The following RAB5C variants were observed in gnomAD, a reference collection of about 807,000 sequenced individuals.
RAB5C encodes the protein ras-related protein Rab-5C.
A neutral mutation model predicts 25.2 loss-of-function variants in RAB5C; 4 were observed. The ratio of observed to expected loss-of-function variants is 0.16; its 90% confidence interval spans 0.08 to 0.36. The LOEUF (loss-of-function observed/expected upper bound fraction) is 0.36, where lower values mean the gene tolerates loss of function less well. Ranked by LOEUF, RAB5C falls within the 10% of genes least tolerant of loss-of-function variation. The pLI is 1.00. For missense variants in RAB5C, 199 were observed against 283.8 expected, an observed-to-expected ratio of 0.70 and a Z score of 2.15; for synonymous variants, 100 against 106.4, an observed-to-expected ratio of 0.94 and a Z score of 0.37.
intron 1 of RAB5C, among the ~76,000 whole-genome samples, chr17:42,138,896 G>A (rs78103841): frequency 6.6e-6 from 1 of 152,212 alleles, no homozygotes; most frequent in South Asian, 2.1e-4. Flanking sequence ...TGTGTGGGAA[G>A]TCTTGTATCA....
At chr17:42,145,551 T>C (rs2144093261) in intron 1 of RAB5C, among the ~76,000 whole-genome samples, 1 of 152,328 alleles carries the variant, frequency 6.6e-6, no homozygotes, top group African/African-American at 2.4e-5. Context: ...CCCACCACTT[T>C]GGGAAGCTGA....
At chr17:42,134,791 A>G (rs1465438469) in intron 1 of RAB5C, among the ~76,000 whole-genome samples, 1 of 152,118 alleles carries the variant, frequency 6.6e-6, no homozygotes, top group African/African-American at 2.4e-5. Flanking sequence ...TTTCCTATTA[A>G]TACAATGCAC....
intron 1 of RAB5C, chr17:42,131,678 G>A: frequency 1.4e-6 from 2 of 1,441,896 alleles, no homozygotes; most frequent in African/African-American, 1.4e-5. Context: ...TGGGAGGGCA[G>A]AGACCAAGTC....
rs191341794 is a variant in RAB5C, at chr17:42,143,651, C to T, written c.-89+11242G>A. Among the ~76,000 whole-genome samples the T allele has an allele frequency of 1.6e-3, 241 of 151,890 alleles. 2 individuals are homozygous for T. The highest frequency in any genetic ancestry group is 1.3e-3 in the Non-Finnish European group (85 of 67,986). ...GTCTGTCTCCAAAAATCTGGCAGTG[C>T]CAAAATGTAAAGAAGTAACCAAAAA... is the stretch of plus-strand genomic sequence containing the variant. On this transcript the variant is annotated intron_variant, in intron 1 of 5. Coordinates refer to ENST00000346213, the MANE Select transcript of RAB5C (RefSeq NM_004583.4).
intron 1 of RAB5C, among the ~76,000 whole-genome samples, chr17:42,148,183 C>G (rs1220859816): frequency 6.6e-6 from 1 of 151,718 alleles, no homozygotes; most frequent in Admixed American, 6.6e-5. Flanking sequence ...CTGAGGCAGG[C>G]AGATCATGAG....
At chr17:42,141,842 T>C (rs2079604706) in intron 1 of RAB5C, among the ~76,000 whole-genome samples, 1 of 152,124 alleles carries the variant, frequency 6.6e-6, no homozygotes, top group Non-Finnish European at 1.5e-5. Context: ...TCAGTACATG[T>C]TCTGTAGCAG....
intron 1 of RAB5C, among the ~76,000 whole-genome samples, chr17:42,135,260 AT>A (rs544805007): frequency 0.015 from 2,040 of 134,106 alleles, 33 homozygotes; most frequent in African/African-American, 0.045. Flanking sequence ...GCCACCTGTA[AT>A]TTTTTTTTTT....
At chr17:42,134,305 T>C (rs1488046962) in intron 1 of RAB5C, among the ~76,000 whole-genome samples, 2 of 152,194 alleles carry the variant, frequency 1.3e-5, no homozygotes, top group Non-Finnish European at 2.9e-5. Context: ...GCAAAAATTA[T>C]CCACTTGTGC....
intron 5 of RAB5C, 39 bp from the exon 6 acceptor site, chr17:42,125,937 C>T: frequency 6.8e-7 from 1 of 1,460,936 alleles, no homozygotes; most frequent in Non-Finnish European, 9.4e-7. Context: ...TTGGGGGTAC[C>T]CCAATAACTC....
chr17:42,127,547 CT>C (rs113883357), intron 4 of RAB5C, among the ~76,000 whole-genome samples: 285 of 142,898 alleles, frequency 2.0e-3, no homozygotes, highest in Admixed American at 2.2e-3. Flanking sequence ...TTATTCTTTT[CT>C]TTTTTTTTTT....
intron 1 of RAB5C, among the ~76,000 whole-genome samples, chr17:42,153,114 G>A (rs140412913): frequency 3.3e-5 from 5 of 152,214 alleles, no homozygotes; most frequent in African/African-American, 1.2e-4. Context: ...TCTGTTGTCC[G>A]ATAAAAAGTG....
chr17:42,131,381 TACAC>T (rs1346843696), intron 1 of RAB5C, among the ~76,000 whole-genome samples: 3 of 149,396 alleles, frequency 2.0e-5, no homozygotes, highest in Admixed American at 2.0e-4. Context: ...CACACACCGA[TACAC>T]ACACACAAAC....
chr17:42,143,465 C>T (rs1039545508), intron 1 of RAB5C, among the ~76,000 whole-genome samples: 2 of 152,066 alleles, frequency 1.3e-5, no homozygotes, highest in African/African-American at 2.4e-5. Context: ...GGTGAAACCT[C>T]GTTGCTACTA....
intron 1 of RAB5C, among the ~76,000 whole-genome samples, chr17:42,143,323 A>C (rs913851133): frequency 6.6e-6 from 1 of 152,130 alleles, no homozygotes; most frequent in African/African-American, 2.4e-5. Context: ...TGAATCTACA[A>C]CTCTGGCACG....
chr17:42,131,468 A>T, intron 1 of RAB5C: 1 of 760,188 alleles, frequency 1.3e-6, no homozygotes. Flanking sequence ...ACACATGCCA[A>T]CACACACACA....
At chr17:42,131,405 AAC>A (rs2054484472) in intron 1 of RAB5C, among the ~76,000 whole-genome samples, 1 of 151,566 alleles carries the variant, frequency 6.6e-6, no homozygotes, top group Non-Finnish European at 1.5e-5. Context: ...CACACACAGA[AAC>A]ACACACACCG....
chr17:42,149,588 A>AAATT (rs1382142063), intron 1 of RAB5C, among the ~76,000 whole-genome samples: 3 of 152,048 alleles, frequency 2.0e-5, no homozygotes, highest in Admixed American at 6.6e-5. Context: ...AAAAATAAAT[A>AAATT]AATTAATTAA....
At chr17:42,133,808 A>T (rs1598247773) in intron 1 of RAB5C, among the ~76,000 whole-genome samples, 1 of 152,236 alleles carries the variant, frequency 6.6e-6, no homozygotes, top group Admixed American at 6.5e-5. Flanking sequence ...CATGTTGAGT[A>T]AACAGTAGCT....
intron 1 of RAB5C, among the ~76,000 whole-genome samples, chr17:42,149,558 G>A (rs2079657047): frequency 6.6e-6 from 1 of 152,078 alleles, no homozygotes; most frequent in South Asian, 2.1e-4. Flanking sequence ...CTCCAGCCTG[G>A]GTGAGAGAGG....
Sources: gnomAD v4.1 joint callset for allele counts (sites outside exome capture counted in the v4.1 genomes callset) on GRCh38, gnomAD v4.1.1 for gene constraint, MANE v1.5 for transcripts, NCBI Gene and HGNC (gene_info 2026-07-23, HGNC 2026-07-21) for gene names.